CNNM2: variants seen among roughly 807,000 people sequenced by gnomAD.
The protein encoded by CNNM2 is cyclin and CBS domain divalent metal cation transport mediator 2.
Under a neutral mutation model 66.9 loss-of-function variants are expected in CNNM2, and 12 were observed. That is an observed-to-expected ratio of 0.18 (90% CI 0.11 to 0.29). The LOEUF is 0.29. CNNM2 is among the 10% of genes least tolerant of loss of function. The probability of loss-of-function intolerance (pLI) is 1.00; values close to 1 mark genes in which losing one functional copy is unlikely to be tolerated. For synonymous variants in CNNM2, 557 were observed against 501.8 expected, an observed-to-expected ratio of 1.11 and a Z score of -1.47; for missense variants, 705 against 1,167.7, an observed-to-expected ratio of 0.60 and a Z score of 5.77.
At chr10:103,009,402 A>G (rs980360091) in intron 1 of CNNM2, among the ~76,000 whole-genome samples, 4 of 152,178 alleles carry the variant, frequency 2.6e-5, no homozygotes, top group Admixed American at 2.0e-4. Flanking sequence ...CTCAATAACT[A>G]GATTTTAGGC....
At chr10:103,049,502 G>A (rs1193953302) in intron 1 of CNNM2, among the ~76,000 whole-genome samples, 1 of 152,180 alleles carries the variant, frequency 6.6e-6, no homozygotes, top group African/African-American at 2.4e-5. Context: ...GGAGGGTGAC[G>A]CTCTTCTGGC....
chr10:103,020,363 C>T (rs1207673250), intron 1 of CNNM2, among the ~76,000 whole-genome samples: 1 of 152,092 alleles, frequency 6.6e-6, no homozygotes, highest in Non-Finnish European at 1.5e-5. Flanking sequence ...ACCATGTTGG[C>T]CAGGCTGGTC....
chr10:102,964,963 C>T (rs191165272), intron 1 of CNNM2, among the ~76,000 whole-genome samples: 1 of 152,236 alleles, frequency 6.6e-6, no homozygotes, highest in African/African-American at 2.4e-5. Flanking sequence ...CTTGGCCCTC[C>T]TACTCTTCTG....
At chr10:103,013,935 C>G (rs1006480915) in intron 1 of CNNM2, among the ~76,000 whole-genome samples, 3 of 152,166 alleles carry the variant, frequency 2.0e-5, no homozygotes, top group African/African-American at 4.8e-5. Context: ...TTTAGATGAG[C>G]TCTCATCGTC....
intron 1 of CNNM2, among the ~76,000 whole-genome samples, chr10:103,003,005 A>G (rs1207754482): frequency 6.6e-6 from 1 of 152,158 alleles, no homozygotes; most frequent in Non-Finnish European, 1.5e-5. Context: ...AACAACCCAA[A>G]TGTTCATCAT....
intron 2 of CNNM2, among the ~76,000 whole-genome samples, chr10:103,051,978 G>C (rs1482474063): frequency 6.6e-6 from 1 of 151,526 alleles, no homozygotes; most frequent in Non-Finnish European, 1.5e-5. Context: ...ACAAATGACT[G>C]TTTAAAAACC....
Position 102,918,382 on chromosome 10 carries a change from C to T in CNNM2, c.-99C>T. On this transcript the variant is annotated 5_prime_UTR_variant, in exon 1 of 8. Coordinates refer to ENST00000369878, the MANE Select transcript of CNNM2 (RefSeq NM_017649.5). This position sits in a 1 kb window ranked among gnomAD's most constrained non-coding sequence, Gnocchi z 4.1. Reference sequence around the variant, plus strand: ...AGTCAGGGAGGCGAACTGCTGAGCACTGGCCGCGGACGCTCCGTTGCAGTC... The same window carrying T: ...AGTCAGGGAGGCGAACTGCTGAGCATTGGCCGCGGACGCTCCGTTGCAGTC... 4 of 1,521,198 alleles carry T rather than the reference C, an allele frequency of 2.6e-6. No individual in the cohort carries two copies. Among genetic ancestry groups the T allele is most frequent in the Non-Finnish European group, 3.5e-6 (4 of 1,141,428 alleles). 94.2% of individuals were successfully genotyped at this position (1,521,198 alleles called of 1,614,324 possible).
chr10:103,025,610 T>A (rs918834291), intron 1 of CNNM2, among the ~76,000 whole-genome samples: 9 of 152,222 alleles, frequency 5.9e-5, no homozygotes, highest in African/African-American at 1.7e-4. Context: ...TTCTTTGAGT[T>A]GGGCTTACTG....
At chr10:103,046,395 A>T (rs2134324532) in intron 1 of CNNM2, among the ~76,000 whole-genome samples, 1 of 152,300 alleles carries the variant, frequency 6.6e-6, no homozygotes, top group South Asian at 2.1e-4. Context: ...AGTTATTTAT[A>T]TTCTACTGCT....
chr10:103,088,019 T>C lies in CNNM2; in HGVS notation c.*10839T>C, dbSNP rs1315397674. ...TGAGGCCTATGTAACACCATGAATATAATCATGTTAGAACATAATCAGTTC... is the reference window on the plus strand; with the variant it reads ...TGAGGCCTATGTAACACCATGAATACAATCATGTTAGAACATAATCAGTTC... On this transcript the variant is annotated 3_prime_UTR_variant, in exon 8 of 8. Transcript: ENST00000369878. 1 of 152,244 alleles carries C rather than the reference T, an allele frequency of 6.6e-6. No homozygotes were observed. The highest frequency in any genetic ancestry group is 1.5e-5 in the Non-Finnish European group (1 of 68,050). The allele number at this position is 152,244 out of a possible 1,614,324, so 9.4% of individuals were successfully genotyped here.
At position 102,919,059 on chromosome 10, in the gene CNNM2, G is replaced by A. The variant is rs1407537732; in HGVS notation, c.579G>A (p.Thr193=). The change falls in exon 1 of 8, where the codon ACG becomes ACA. Residue 193 remains threonine, a synonymous_variant. Coordinates refer to ENST00000369878, the MANE Select transcript of CNNM2 (RefSeq NM_017649.5). ...AGAGCAAGTCCTATTACCTGTGCACGTCGCTCTCCACGCCCGCCCTGGGCG... is the reference window on the plus strand; with the variant it reads ...AGAGCAAGTCCTATTACCTGTGCACATCGCTCTCCACGCCCGCCCTGGGCG... ...MEKSKSYYLC[T]SLSTPALGAG... 1.2e-6 allele frequency: 2 copies of A among 1,612,242 alleles called. No homozygotes were observed. Among genetic ancestry groups the A allele is most frequent in the African/African-American group, 1.3e-5 (1 of 74,884 alleles).
In CNNM2 at chr10:102,931,846, TA is replaced by T. The variant is rs774895232; in HGVS notation, c.1621+11765del. On this transcript the variant is annotated intron_variant, in intron 1 of 7. Transcript: ENST00000369878. ...CATCCTCACCAGCACTTGTTATTGT[TA>T]AAAAAAAAAAAAAAAAAAAGAATGC... 9.7e-3 allele frequency among the ~76,000 whole-genome samples: 1,240 copies of T among 128,050 alleles called. 7 individuals are homozygous for T. The highest frequency in any genetic ancestry group is 0.021 in the East Asian group (95 of 4,624). 84.0% of individuals were successfully genotyped at this position (128,050 alleles called of 152,430 possible). A position where few individuals can be genotyped will look rare whatever the true frequency, so the allele number is the denominator to read the frequency against.
chr10:103,086,265 C>T lies in CNNM2; in HGVS notation c.*9085C>T, dbSNP rs1378300775. 1.3e-5 allele frequency: 2 copies of T among 152,204 alleles called. No individual in the cohort carries two copies. The highest frequency in any genetic ancestry group is 2.9e-5 in the Non-Finnish European group (2 of 68,036). 9.4% of individuals were successfully genotyped at this position (152,204 alleles called of 1,614,324 possible). On this transcript the variant is annotated 3_prime_UTR_variant, in exon 8 of 8. Coordinates refer to ENST00000369878, the MANE Select transcript of CNNM2 (RefSeq NM_017649.5). The stretch of plus-strand genomic sequence containing the variant: ...TTTAAGAAAAGCTGGATTCCCTGAT[C>T]ACCACTAAAGATCATCATGAGAAAC...
At chr10:102,965,143 C>T (rs1040791542) in intron 1 of CNNM2, among the ~76,000 whole-genome samples, 2 of 152,164 alleles carry the variant, frequency 1.3e-5, no homozygotes, top group African/African-American at 4.8e-5. Context: ...TACAAATTAC[C>T]CATTCTGTGG....
intron 2 of CNNM2, among the ~76,000 whole-genome samples, chr10:103,050,321 C>T (rs2065194920): frequency 6.6e-6 from 1 of 152,040 alleles, no homozygotes; most frequent in African/African-American, 2.4e-5. Context: ...CACCTGAGGT[C>T]AGGAGTTCGA....
In CNNM2 at chr10:103,080,147, G is replaced by A. The variant is rs893010076; in HGVS notation, c.*2967G>A. 1 of 152,178 alleles carries A rather than the reference G, an allele frequency of 6.6e-6. No homozygotes were observed. The highest frequency in any genetic ancestry group is 1.5e-5 in the Non-Finnish European group (1 of 68,060). 9.4% of individuals were successfully genotyped at this position (152,178 alleles called of 1,614,324 possible). On this transcript the variant is annotated 3_prime_UTR_variant, in exon 8 of 8. Coordinates refer to ENST00000369878, the MANE Select transcript of CNNM2 (RefSeq NM_017649.5). Reference sequence around the variant, plus strand: ...AGGGAGTGGGTCGAGTGGACCAGATGCAGACCCCTGAGTTCTGGATACTGA... The same window carrying A: ...AGGGAGTGGGTCGAGTGGACCAGATACAGACCCCTGAGTTCTGGATACTGA...
intron 1 of CNNM2, among the ~76,000 whole-genome samples, chr10:102,932,568 C>T (rs1473829704): frequency 6.6e-6 from 1 of 152,126 alleles, no homozygotes; most frequent in Non-Finnish European, 1.5e-5. Flanking sequence ...TGTCCCAGTA[C>T]TGTCTGTTGA....
intron 6 of CNNM2, among the ~76,000 whole-genome samples, chr10:103,072,867 A>G (rs1446260765): frequency 6.6e-6 from 1 of 152,204 alleles, no homozygotes; most frequent in Non-Finnish European, 1.5e-5. Context: ...CGTCTCACCA[A>G]AAGTTAATGT....
Position 103,086,291 on chromosome 10 carries a change from A to AT in CNNM2, c.*9112dup, listed in dbSNP as rs2065808693. 6.6e-6 allele frequency: 1 copy of AT among 152,234 alleles called. No individual in the cohort carries two copies. The highest frequency in any genetic ancestry group is 2.4e-5 in the African/African-American group (1 of 41,472). 9.4% of individuals were successfully genotyped at this position (152,234 alleles called of 1,614,324 possible). ...ACCACTAAAGATCATCATGAGAAAC[A>AT]TAAGTATTTGAGCCCTAAACTACTA... On this transcript the variant is annotated 3_prime_UTR_variant, in exon 8 of 8. Transcript: ENST00000369878.
Sources: gnomAD v4.1 joint callset for allele counts (sites outside exome capture counted in the v4.1 genomes callset) on GRCh38, gnomAD v4.1.1 for gene constraint, Gnocchi (gnomAD v3.1) non-coding constraint, MANE v1.5 for transcripts, NCBI Gene and HGNC (gene_info 2026-07-23, HGNC 2026-07-21) for gene names.